Variants in MCM3AP observed in about 807,000 individuals in gnomAD.
MCM3AP encodes the protein germinal-center associated nuclear protein.
A neutral mutation model predicts 184.1 loss-of-function variants in MCM3AP; 126 were observed. The ratio of observed to expected loss-of-function variants is 0.68; its 90% CI spans 0.59 to 0.79. The LOEUF is 0.79. MCM3AP is among the 30% of genes least tolerant of loss of function. The pLI, the probability that MCM3AP is intolerant of heterozygous loss-of-function variation, is 0.00. For missense variants in MCM3AP, 2,496 were observed against 2,479.2 expected (o/e 1.01, Z -0.14); for synonymous variants, 1,002 against 979.3 (o/e 1.02, Z -0.43).
chr21:46,265,243 C>T (rs953276362), intron 12 of MCM3AP, 78 bp downstream of exon 12: 2 of 1,381,000 alleles, frequency 1.4e-6, no homozygotes, highest in Non-Finnish European at 2.0e-6. Context: ...CACAGCCCCA[C>T]CTCATGGGGT....
At position 46,236,677 on chromosome 21, in the gene MCM3AP, T is replaced by C. The variant is rs921248775; in HGVS notation, c.5784+152A>G. On this transcript the variant is annotated intron_variant, in intron 27 of 27. Transcript: ENST00000291688. Reference sequence around the variant, plus strand: ...ATCAGTTGGGTCTCTTTAACAATGATATGGATAAAGTTTAAGAAAAGGTCT... The same window carrying C: ...ATCAGTTGGGTCTCTTTAACAATGACATGGATAAAGTTTAAGAAAAGGTCT... The C allele has an allele frequency of 5.3e-6, 3 of 570,780 alleles. No homozygotes were observed. In the African/African-American group the frequency reaches 5.8e-5, roughly 11 times the overall value. The allele number at this position is 570,780 out of a possible 1,614,324, so 35.4% of individuals were successfully genotyped here.
Position 46,280,038 on chromosome 21 carries a change from C to A in MCM3AP, c.1622G>T (p.Gly541Val), listed in dbSNP as rs773664970. Residue 541 changes from glycine to valine, a missense_variant, in exon 4 of 28, where the codon GGC becomes GTC. Coordinates refer to ENST00000291688, the MANE Select transcript of MCM3AP (RefSeq NM_003906.5). Reference protein sequence around the residue: ...EDAPFQHSPLGKAAGRTGASS... With the variant: ...EDAPFQHSPLVKAAGRTGASS... ...AGCACCAGTCCTCCCTGCGGCCTTGCCAAGAGGAGAGTGCTGAAAGGGTGC... is the reference window on the plus strand; with the variant it reads ...AGCACCAGTCCTCCCTGCGGCCTTGACAAGAGGAGAGTGCTGAAAGGGTGC... 5.0e-6 allele frequency: 8 copies of A among 1,614,148 alleles called. No homozygotes were observed. The highest frequency in any genetic ancestry group is 6.8e-6 in the Non-Finnish European group (8 of 1,180,004).
intron 13 of MCM3AP, among the ~76,000 whole-genome samples, chr21:46,263,490 G>A (rs1477503635): frequency 6.6e-6 from 1 of 150,964 alleles, no homozygotes; most frequent in African/African-American, 2.4e-5. Flanking sequence ...ATATTGTTAA[G>A]ATGACAATAC....
chr21:46,246,380 G>A lies in MCM3AP; in HGVS notation c.4574C>T (p.Ser1525Leu). 6.2e-7 allele frequency: 1 copy of A among 1,611,480 alleles called. No individual in the cohort carries two copies. Among genetic ancestry groups the A allele is most frequent in the African/African-American group, 1.3e-5 (1 of 74,976 alleles). Residue 1525 changes from serine (S) to leucine (L), a missense_variant, in exon 22 of 28, where the codon TCA becomes TTA. By Grantham distance (145) the Ser-to-Leu change is moderately radical. This residue lies in a region of MCM3AP where 1,323 missense variants were observed against 1,273.4 expected (regional missense o/e 1.04). Transcript: ENST00000291688. ...AGTGTAATCTGAAATCAGCTTAGCT[G>A]AAACCAAGTCCTGTAGCATCAGACC... ...EDGLMLQDLVSAKLISDYTVT... is the reference protein window; with the variant it reads ...EDGLMLQDLVLAKLISDYTVT...
chr21:46,285,403 G>C lies in MCM3AP; in HGVS notation c.-117C>G, dbSNP rs1284126744. ...TTCGTCTTTAGAACAAGCTGAAAGA[G>C]AAAAATTCAGATCATCATAGCTATG... On this transcript the variant is annotated 5_prime_UTR_variant, in exon 1 of 28. Transcript: ENST00000291688. 1.5e-5 allele frequency: 10 copies of C among 689,356 alleles called. No individual in the cohort carries two copies. The highest frequency in any genetic ancestry group is 2.9e-4 in the Middle Eastern group (1 of 3,462). The allele number at this position is 689,356 out of a possible 1,614,324, so 42.7% of individuals were successfully genotyped here. A position where few individuals can be genotyped will look rare whatever the true frequency, so the allele number is the denominator to read the frequency against.
At chr21:46,285,994 T>A (rs1308750212), upstream of MCM3AP, 1 of 152,276 alleles carries the variant, frequency 6.6e-6, no homozygotes, top group Non-Finnish European at 1.5e-5. Context: ...GGCCACGCGC[T>A]GGGCCCAGGC....
At chr21:46,264,096 G>A in intron 13 of MCM3AP, 21 bp downstream of exon 13, 2 of 1,575,758 alleles carry the variant, frequency 1.3e-6, no homozygotes, top group South Asian at 1.1e-5. Flanking sequence ...TAGCAGGAGG[G>A]GAGCACGAGA....
chr21:46,260,364 C>T (rs932031299), intron 15 of MCM3AP, among the ~76,000 whole-genome samples: 3 of 152,212 alleles, frequency 2.0e-5, no homozygotes, highest in Admixed American at 2.0e-4. Context: ...TCATAGCACA[C>T]TACCTGGAAC....
chr21:46,261,897 T>A (rs1415728341), intron 13 of MCM3AP, among the ~76,000 whole-genome samples: 1 of 152,222 alleles, frequency 6.6e-6, no homozygotes, highest in Non-Finnish European at 1.5e-5. Flanking sequence ...TCAAAGGAAA[T>A]GCTCATTGGA....
At chr21:46,251,868 A>C in intron 19 of MCM3AP, 186 bp from the exon 20 acceptor site, 1 of 387,536 alleles carries the variant, frequency 2.6e-6, no homozygotes, top group Non-Finnish European at 4.8e-6. Flanking sequence ...TGGAGCAACG[A>C]TCTGTACTCG....
intron 20 of MCM3AP, among the ~76,000 whole-genome samples, chr21:46,247,473 C>T (rs2080793730): frequency 3.3e-5 from 5 of 150,854 alleles, no homozygotes; most frequent in Admixed American, 3.3e-4. Context: ...GCAATTTCTG[C>T]CTCCTGGATA....
At chr21:46,245,386 T>C (rs1368852010) in intron 22 of MCM3AP, among the ~76,000 whole-genome samples, 189 bp from the exon 23 acceptor site, 1 of 152,074 alleles carries the variant, frequency 6.6e-6, no homozygotes, top group Non-Finnish European at 1.5e-5. Flanking sequence ...TCTGGAGACA[T>C]GTCCAGTAGG....
At position 46,285,320 on chromosome 21, in the gene MCM3AP, T is replaced by C; in HGVS notation, c.-34A>G. The C allele has an allele frequency of 6.7e-7, 1 of 1,489,502 alleles. No homozygotes were observed. Among genetic ancestry groups the C allele is most frequent in the Non-Finnish European group, 9.3e-7 (1 of 1,073,966 alleles). 92.3% of individuals were successfully genotyped at this position (1,489,502 alleles called of 1,614,324 possible). A position where few individuals can be genotyped will look rare whatever the true frequency, so the allele number is the denominator to read the frequency against. The stretch of plus-strand genomic sequence containing the variant: ...CCAATTATTAGAAGGTAATTAAGTA[T>C]TATGTGTACAAAATTAATTGGCTTC... On this transcript the variant is annotated 5_prime_UTR_variant, in exon 1 of 28. Transcript: ENST00000291688.
chr21:46,272,785 C>G lies in MCM3AP; in HGVS notation c.2241G>C (p.Leu747=). Residue 747 remains leucine (L), a synonymous_variant, in exon 8 of 28, where the codon CTG becomes CTC. Transcript: ENST00000291688. ...QHLCDPLTVS[L]IEKCTRFHIH... is the part of the protein sequence containing the mutation. Reference sequence around the variant, plus strand: ...TGTGAAACCGGGTGCACTTCTCAATCAGGGACACCGTCAGGGGGTCACAGA... The same window carrying G: ...TGTGAAACCGGGTGCACTTCTCAATGAGGGACACCGTCAGGGGGTCACAGA... 1.9e-6 allele frequency: 3 copies of G among 1,611,782 alleles called. No homozygotes were observed. The highest frequency in any genetic ancestry group is 2.5e-6 in the Non-Finnish European group (3 of 1,178,448).
chr21:46,239,554 G>C (rs189432095), intron 26 of MCM3AP, among the ~76,000 whole-genome samples: 11 of 152,318 alleles, frequency 7.2e-5, no homozygotes, highest in Admixed American at 2.0e-4. Flanking sequence ...CAAAGGAAGG[G>C]GTTGGTTGGA....
chr21:46,279,958 T>C, intron 4 of MCM3AP, 35 bp downstream of exon 4: 1 of 1,586,636 alleles, frequency 6.3e-7, no homozygotes, highest in South Asian at 1.1e-5. Context: ...TCCTGGTCCT[T>C]CCGGAATAAG....
rs2123788373 is a variant in MCM3AP at position 46,235,270 on chromosome 21, A to C, written c.5941T>G (p.Ter1981GlyextTer3). 4 of 1,614,190 alleles carry C rather than the reference A, an allele frequency of 2.5e-6. No individual in the cohort carries two copies. The highest frequency in any genetic ancestry group is 1.7e-6 in the Non-Finnish European group (2 of 1,180,006). The stretch of plus-strand genomic sequence containing the variant: ...CCCCTCCCCACAGGTCAGGCTGCTC[A>C]AATGTCCACCATGTCTAGCAGCGCA... ...LSALLDMVDI[*>G] Residue 1981 changes from the stop codon to glycine, a stop_lost, in exon 28 of 28, where the codon TGA (stop) becomes GGA (glycine). Coordinates refer to ENST00000291688, the MANE Select transcript of MCM3AP (RefSeq NM_003906.5).
At chr21:46,276,401 A>G (rs937242441) in intron 5 of MCM3AP, among the ~76,000 whole-genome samples, 2 of 152,202 alleles carry the variant, frequency 1.3e-5, no homozygotes, top group Non-Finnish European at 2.9e-5. Flanking sequence ...TGATTATTCA[A>G]ATTATCCACA....
Position 46,243,677 on chromosome 21 carries a change from T to C in MCM3AP, c.5084A>G (p.Gln1695Arg), listed in dbSNP as rs773425653. ...VCSMVVQYASQIPSSRQTQPV... is the reference protein window; with the variant it reads ...VCSMVVQYASRIPSSRQTQPV... ...CTGTGTCTGGCGTGAGCTGGGGATC[T>C]GGGAGGCGTACTGGACAACCATGGA... Residue 1695 changes from glutamine to arginine, a missense_variant, in exon 24 of 28, where the codon CAG becomes CGG. Physicochemically the swap from Gln to Arg is conservative, Grantham distance 43. Around this residue, in one of 5 missense-constraint regions of MCM3AP, gnomAD observed 1,323 missense variants for 1,273.4 expected, o/e 1.04. Coordinates refer to ENST00000291688, the MANE Select transcript of MCM3AP (RefSeq NM_003906.5). 9.9e-6 allele frequency: 16 copies of C among 1,614,038 alleles called. No homozygotes were observed. In the South Asian group the frequency reaches 1.2e-4, roughly 12 times the overall value.
Sources: allele counts gnomAD v4.1 joint callset (sites outside exome capture counted in the v4.1 genomes callset), GRCh38; gene constraint gnomAD v4.1.1; regional missense constraint gnomAD v4.1.1; transcripts MANE v1.5; gene names NCBI Gene and HGNC (gene_info 2026-07-23, HGNC 2026-07-21).